The following PITPNC1 variants were observed in gnomAD, a reference collection of about 807,000 sequenced individuals.
The protein encoded by PITPNC1 is phosphatidylinositol transfer protein cytoplasmic 1, also known as cytoplasmic phosphatidylinositol transfer protein 1.
In PITPNC1, 18 loss-of-function variants were observed where a neutral mutation model predicts 44.7. The observed-to-expected ratio is 0.40, with a 90% CI of 0.28 to 0.60. The LOEUF is 0.60. Among genes scored for constraint, PITPNC1 ranks in the 20% least tolerant of loss-of-function variants. The pLI, the probability that PITPNC1 is intolerant of heterozygous loss-of-function variation, is 0.39. For missense variants in PITPNC1, 290 were observed against 418.4 expected (o/e 0.69, Z 2.68); for synonymous variants, 141 against 149.6 (o/e 0.94, Z 0.42).
At chr17:67,608,242 AAAAAC>A (rs1218611557) in intron 5 of PITPNC1, among the ~76,000 whole-genome samples, 1 of 145,702 alleles carries the variant, frequency 6.9e-6, no homozygotes, top group Non-Finnish European at 1.5e-5. Flanking sequence ...ATTAAAAAAA[AAAAAC>A]AAAAAAAAAC....
chr17:67,448,284 TG>T (rs1198496138), intron 1 of PITPNC1, among the ~76,000 whole-genome samples: 1 of 152,160 alleles, frequency 6.6e-6, no homozygotes, highest in African/African-American at 2.4e-5. Context: ...TAAATGATTT[TG>T]GGGGCTTAAT....
chr17:67,618,553 C>T (rs1467558413), intron 5 of PITPNC1, among the ~76,000 whole-genome samples: 1 of 151,652 alleles, frequency 6.6e-6, no homozygotes, highest in Admixed American at 6.6e-5. Context: ...GAGTTAAAGA[C>T]CAGCCTGGCC....
intron 1 of PITPNC1, among the ~76,000 whole-genome samples, chr17:67,410,455 C>T (rs1464584972): frequency 6.6e-6 from 1 of 152,166 alleles, no homozygotes; most frequent in African/African-American, 2.4e-5. Flanking sequence ...GCAATCACAG[C>T]TCACTGCAGC....
rs1044625193 is a variant in PITPNC1, at chr17:67,436,908, GTTTTTTT to G, written c.48+58728_48+58734del. Among the ~76,000 whole-genome samples the G allele has an allele frequency of 3.7e-3, 250 of 68,430 alleles. 1 individual carries two copies. The highest frequency in any genetic ancestry group is 4.5e-3 in the Non-Finnish European group (161 of 35,406). The allele number at this position is 68,430 out of a possible 152,430, so 44.9% of individuals were successfully genotyped here. ...TCTGATTGTATTTGAAAATAGGGGTGTTTTTTTTTTTTTTTTTTTTTTTTTTTTGAGA... is the reference window on the plus strand; with the variant it reads ...TCTGATTGTATTTGAAAATAGGGGTGTTTTTTTTTTTTTTTTTTTTTGAGA... On this transcript the variant is annotated intron_variant, in intron 1 of 8. Transcript: ENST00000581322.
intron 1 of PITPNC1, among the ~76,000 whole-genome samples, chr17:67,414,568 A>C (rs2038557851): frequency 6.6e-6 from 1 of 152,130 alleles, no homozygotes; most frequent in Non-Finnish European, 1.5e-5. Context: ...CTTGTAAATA[A>C]GGTTTTATTG....
chr17:67,454,225 T>A (rs1330453917), intron 1 of PITPNC1, among the ~76,000 whole-genome samples: 2 of 148,192 alleles, frequency 1.3e-5, no homozygotes, highest in African/African-American at 5.0e-5. Flanking sequence ...CACTATAGCC[T>A]GGGACACAGA....
chr17:67,625,087 C>T lies in PITPNC1; in HGVS notation c.367-7056C>T, dbSNP rs555576078. On this transcript the variant is annotated intron_variant, in intron 5 of 8. Coordinates refer to ENST00000581322, the MANE Select transcript of PITPNC1 (RefSeq NM_012417.4). ...AGTGTGTGTATGGCGGGGGTGGCCA[C>T]GGGAGTCAACCAGATTGACACCAAA... 2.6e-5 allele frequency among the ~76,000 whole-genome samples: 4 copies of T among 152,128 alleles called. 1 individual carries two copies. The highest frequency in any genetic ancestry group is 7.2e-5 in the African/African-American group (3 of 41,488).
intron 1 of PITPNC1, among the ~76,000 whole-genome samples, chr17:67,528,787 A>AT (rs2040423540): frequency 6.6e-6 from 1 of 152,158 alleles, no homozygotes; most frequent in Admixed American, 6.5e-5. Flanking sequence ...GAGATTCAGC[A>AT]TTTTTAGGAG....
intron 1 of PITPNC1, among the ~76,000 whole-genome samples, chr17:67,453,535 T>G (rs140215084): frequency 6.6e-6 from 1 of 152,322 alleles, no homozygotes; most frequent in African/African-American, 2.4e-5. Flanking sequence ...CCTCTTTCTT[T>G]GTGTTAATTA....
At chr17:67,538,133 C>G (rs2040554751) in intron 2 of PITPNC1, among the ~76,000 whole-genome samples, 1 of 151,842 alleles carries the variant, frequency 6.6e-6, no homozygotes, top group Non-Finnish European at 1.5e-5. Flanking sequence ...GAGTTAAACT[C>G]ATGGAACAAA....
At chr17:67,645,290 A>C (rs2042135101) in intron 6 of PITPNC1, among the ~76,000 whole-genome samples, 2 of 151,662 alleles carry the variant, frequency 1.3e-5, no homozygotes. Context: ...GCGGTGAGCC[A>C]AGATCGCGCC....
chr17:67,419,186 A>G (rs778014216), intron 1 of PITPNC1, among the ~76,000 whole-genome samples: 4 of 151,590 alleles, frequency 2.6e-5, no homozygotes, highest in Non-Finnish European at 5.9e-5. Flanking sequence ...AAAAAAAATG[A>G]GAAAGCAGAA....
Position 67,597,289 on chromosome 17 carries a change from C to T in PITPNC1, c.366+19032C>T, listed in dbSNP as rs1319600377. On this transcript the variant is annotated intron_variant, in intron 5 of 8. Transcript: ENST00000581322. The surrounding 1 kb of genome is among the most constrained non-coding windows in gnomAD (Gnocchi z 4.0). ...CTTCCTCAGGCTGAGCATGGTGGCT[C>T]ACGCCTGTAATCCCCGCACTTTGGG... 6.6e-6 allele frequency among the ~76,000 whole-genome samples: 1 copy of T among 152,094 alleles called. No individual in the cohort carries two copies. The highest frequency in any genetic ancestry group is 1.5e-5 in the Non-Finnish European group (1 of 68,020).
At chr17:67,515,302 A>G (rs1265032880) in intron 1 of PITPNC1, among the ~76,000 whole-genome samples, 5 of 152,198 alleles carry the variant, frequency 3.3e-5, no homozygotes, top group African/African-American at 9.6e-5. Flanking sequence ...GGCATGCCCA[A>G]TAGAAGGAGA....
chr17:67,386,499 AAATT>A (rs2038056080), intron 1 of PITPNC1, among the ~76,000 whole-genome samples: 1 of 152,172 alleles, frequency 6.6e-6, no homozygotes, highest in Admixed American at 6.6e-5. Flanking sequence ...CGCCTAAACT[AAATT>A]AATATAGTTT....
intron 5 of PITPNC1, among the ~76,000 whole-genome samples, chr17:67,596,181 G>A (rs563022936): frequency 2.8e-4 from 42 of 152,192 alleles, no homozygotes; most frequent in African/African-American, 9.6e-4. Flanking sequence ...GAACGTCCTC[G>A]GGAATGAAGG....
chr17:67,636,998 C>T (rs2042040908), intron 6 of PITPNC1, among the ~76,000 whole-genome samples: 1 of 152,162 alleles, frequency 6.6e-6, no homozygotes, highest in Admixed American at 6.5e-5. Flanking sequence ...GGCATGCCCC[C>T]ACCACTGCTG....
chr17:67,515,290 A>T (rs2040244855), intron 1 of PITPNC1, among the ~76,000 whole-genome samples: 1 of 152,080 alleles, frequency 6.6e-6, no homozygotes, highest in Non-Finnish European at 1.5e-5. Flanking sequence ...AATGGGGAGG[A>T]AGGCATGCCC....
chr17:67,564,983 T>C (rs573902204), intron 4 of PITPNC1, among the ~76,000 whole-genome samples: 144 of 152,336 alleles, frequency 9.5e-4, no homozygotes, highest in African/African-American at 3.3e-3. Context: ...TCGTTTGCCA[T>C]GTTTTTCAGT....
Sources: allele counts gnomAD v4.1 joint callset (sites outside exome capture counted in the v4.1 genomes callset), GRCh38; gene constraint gnomAD v4.1.1; non-coding constraint Gnocchi (gnomAD v3.1); transcripts MANE v1.5; gene names NCBI Gene and HGNC (gene_info 2026-07-23, HGNC 2026-07-21).